Variants in FSTL4 observed in about 807,000 individuals in gnomAD.
FSTL4 encodes the protein follistatin-related protein 4.
In FSTL4, 28 loss-of-function variants were observed where a neutral mutation model predicts 78.2. The ratio of observed to expected loss-of-function variants is 0.36; its 90% CI spans 0.27 to 0.49. The LOEUF is 0.49. FSTL4 is among the 20% of genes least tolerant of loss of function. FSTL4 has a pLI of 0.98. For missense variants in FSTL4, 922 were observed against 1,084.9 expected, an observed-to-expected ratio of 0.85 and a Z score of 2.11; for synonymous variants, 422 against 440.5, an observed-to-expected ratio of 0.96 and a Z score of 0.53.
intron 3 of FSTL4, among the ~76,000 whole-genome samples, chr5:133,546,505 C>CAAAA (rs71581365): frequency 1.3e-5 from 1 of 75,422 alleles, no homozygotes; most frequent in African/African-American, 4.6e-5. Flanking sequence ...GACTTTGTCT[C>CAAAA]AAAAAAAAAA....
At chr5:133,340,730 C>T (rs546742690) in intron 4 of FSTL4, among the ~76,000 whole-genome samples, 1 of 152,152 alleles carries the variant, frequency 6.6e-6, no homozygotes, top group Non-Finnish European at 1.5e-5. Flanking sequence ...AAAGGCCTAT[C>T]GTACAGATAT....
chr5:133,750,710 G>A, the FSTL4 span, among the ~76,000 whole-genome samples: 8 of 152,210 alleles, frequency 5.3e-5, no homozygotes, highest in Admixed American at 6.5e-5. Flanking sequence ...TTAGGGATTC[G>A]TCTACTAAAA....
At position 133,575,295 on chromosome 5, in the gene FSTL4, GTGAAAAATA is replaced by G. The variant is rs1760254145; in HGVS notation, c.127-8085_127-8077del. On this transcript the variant is annotated intron_variant, in intron 2 of 15. Transcript: ENST00000265342. ...CCAAGGAAATGCTCAACACACATTCGTGAAAAATATGACAGGGATTAAGAGTGGGGGCCA... is the reference window on the plus strand; with the variant it reads ...CCAAGGAAATGCTCAACACACATTCGTGACAGGGATTAAGAGTGGGGGCCA... 2.6e-5 allele frequency: 4 copies of G among 152,288 alleles called. No individual in the cohort carries two copies. In the South Asian group the frequency reaches 8.3e-4, roughly 32 times the overall value. The allele number at this position is 152,288 out of a possible 1,614,324, so 9.4% of individuals were successfully genotyped here.
chr5:133,385,933 G>A (rs958855855), intron 4 of FSTL4, among the ~76,000 whole-genome samples: 1 of 151,360 alleles, frequency 6.6e-6, no homozygotes, highest in Non-Finnish European at 1.5e-5. Flanking sequence ...ATGTGTGTGT[G>A]TTTTTTTTTT....
intron 14 of FSTL4, among the ~76,000 whole-genome samples, chr5:133,205,416 G>C (rs944602462): frequency 1.3e-5 from 2 of 151,394 alleles, no homozygotes; most frequent in African/African-American, 2.4e-5. Context: ...TGTAGTGTTT[G>C]TTTATACACA....
chr5:133,349,295 C>CTCTGTGTGTGTGTGTG (rs11269337), intron 4 of FSTL4, among the ~76,000 whole-genome samples: 2,159 of 139,674 alleles, frequency 0.015, 28 homozygotes, highest in East Asian at 0.054. Context: ...GCCTCTCTCT[C>CTCTGTGTGTGTGTGTG]TGTGTGTGTG....
chr5:133,605,765 T>A (rs1760964079), intron 1 of FSTL4, among the ~76,000 whole-genome samples: 1 of 152,176 alleles, frequency 6.6e-6, no homozygotes, highest in African/African-American at 2.4e-5. Context: ...CTCCCACTCT[T>A]ATATCTGTTT....
intron 4 of FSTL4, among the ~76,000 whole-genome samples, chr5:133,367,506 T>A (rs1393421989): frequency 6.6e-6 from 1 of 152,210 alleles, no homozygotes; most frequent in African/African-American, 2.4e-5. Context: ...CCTTTCCAAT[T>A]AGACCCTGGG....
At chr5:133,297,882 G>A (rs567130684) in intron 6 of FSTL4, among the ~76,000 whole-genome samples, 13 of 152,290 alleles carry the variant, frequency 8.5e-5, no homozygotes, top group East Asian at 5.8e-4. Context: ...GGTGTGCAGC[G>A]TCGGGACCAA....
At chr5:133,636,641 G>A in the FSTL4 span, among the ~76,000 whole-genome samples, 1 of 152,064 alleles carries the variant, frequency 6.6e-6, no homozygotes, top group East Asian at 1.9e-4. Flanking sequence ...GATTAAATGA[G>A]TTAATATATG....
the FSTL4 span, among the ~76,000 whole-genome samples, chr5:133,675,238 C>T: frequency 4.9e-4 from 75 of 152,002 alleles, no homozygotes; most frequent in Non-Finnish European, 9.0e-4. Context: ...CAAAGGAGCT[C>T]GTGTGAGAAA....
At chr5:133,395,888 G>A (rs1756027635) in intron 4 of FSTL4, among the ~76,000 whole-genome samples, 1 of 152,128 alleles carries the variant, frequency 6.6e-6, no homozygotes, top group Admixed American at 6.5e-5. Flanking sequence ...GAGCCCGGAG[G>A]TACATTCTAG....
At chr5:133,682,032 G>A in the FSTL4 span, among the ~76,000 whole-genome samples, 4 of 152,332 alleles carry the variant, frequency 2.6e-5, no homozygotes, top group Middle Eastern at 3.4e-3. Flanking sequence ...GCAGAGGGTA[G>A]GCTGGGCAAG....
At chr5:133,409,012 T>C (rs1351721163) in intron 3 of FSTL4, among the ~76,000 whole-genome samples, 1 of 152,200 alleles carries the variant, frequency 6.6e-6, no homozygotes, top group Non-Finnish European at 1.5e-5. Context: ...ATATTTATAC[T>C]GAAAGTATTG....
At position 133,196,512 on chromosome 5, in the gene FSTL4, C is replaced by G. The variant is rs1379104093; in HGVS notation, c.*2583G>C. ...TGAGGGGGTTTATATAAATAGCTTT[C>G]TTGATGATTCTTTTGGTAAAGTCAG... On this transcript the variant is annotated 3_prime_UTR_variant, in exon 16 of 16. Coordinates refer to ENST00000265342, the MANE Select transcript of FSTL4 (RefSeq NM_015082.2). 2 of 152,012 alleles carry G rather than the reference C, an allele frequency of 1.3e-5. No individual in the cohort carries two copies. Among genetic ancestry groups the G allele is most frequent in the African/African-American group, 4.8e-5 (2 of 41,376 alleles). The allele number at this position is 152,012 out of a possible 1,614,324, so 9.4% of individuals were successfully genotyped here. A position where few individuals can be genotyped will look rare whatever the true frequency, so the allele number is the denominator to read the frequency against.
intron 7 of FSTL4, chr5:133,244,490 C>T (rs373678742): frequency 1.3e-5 from 2 of 152,160 alleles, no homozygotes; most frequent in African/African-American, 4.8e-5. Flanking sequence ...AGGAAGTAAA[C>T]AAATTACAGG....
the FSTL4 span, among the ~76,000 whole-genome samples, chr5:133,730,125 G>A: frequency 6.6e-6 from 1 of 152,198 alleles, no homozygotes; most frequent in Admixed American, 6.5e-5. Flanking sequence ...GGCTGAAGCA[G>A]TCCTTTTTGG....
At chr5:133,519,468 G>A (rs950770051) in intron 3 of FSTL4, among the ~76,000 whole-genome samples, 1 of 152,182 alleles carries the variant, frequency 6.6e-6, no homozygotes, top group African/African-American at 2.4e-5. Flanking sequence ...GTGCCTTGAG[G>A]CTGTCATGCC....
the FSTL4 span, among the ~76,000 whole-genome samples, chr5:133,666,432 T>C: frequency 0.15 from 22,873 of 152,232 alleles, 1,817 homozygotes; most frequent in South Asian, 0.21. Context: ...GCCTCCAACG[T>C]TGTATTTCTG....
Sources: allele counts gnomAD v4.1 joint callset (sites outside exome capture counted in the v4.1 genomes callset), GRCh38; gene constraint gnomAD v4.1.1; transcripts MANE v1.5; gene names NCBI Gene and HGNC (gene_info 2026-07-23, HGNC 2026-07-21).